Variants in CENPI observed in about 807,000 individuals in gnomAD.
CENPI encodes FSH primary response 1.
Under a neutral mutation model 60.4 loss-of-function variants are expected in CENPI, and 4 were observed. The observed-to-expected ratio is 0.07, with a 90% confidence interval of 0.03 to 0.15. The LOEUF is 0.15. Ranked by LOEUF, CENPI falls within the 10% of genes least tolerant of loss-of-function variation. The pLI is 1.00. For synonymous variants in CENPI, 157 were observed against 189.4 expected (o/e 0.83, Z 1.40); for missense variants, 444 against 534.5 (o/e 0.83, Z 1.67).
chrX:101,162,628 A>T (rs1381767773), intron 21 of CENPI, among the ~76,000 whole-genome samples: 1 of 108,570 alleles, frequency 9.2e-6, no homozygotes, highest in Non-Finnish European at 1.9e-5. Context: ...TTTTTTTGCC[A>T]ACATAATAAA....
chrX:101,126,216 G>C (rs1035268548), intron 8 of CENPI, among the ~76,000 whole-genome samples: 77 of 112,192 alleles, frequency 6.9e-4, no homozygotes, highest in African/African-American at 2.3e-3. Flanking sequence ...TGTGAAATTA[G>C]TGCTTTTGTT....
At chrX:101,122,902 C>T (rs925374883) in intron 8 of CENPI, among the ~76,000 whole-genome samples, 3 of 112,193 alleles carry the variant, frequency 2.7e-5, no homozygotes, top group Non-Finnish European at 5.6e-5. Context: ...AACAAAAGAT[C>T]TTGCTGATTT....
rs148055783 is a variant in CENPI, at chrX:101,155,350, C to T, written c.2095-6178C>T. ...GATTATGGGTACCCGCCACCACGCC[C>T]GGCTAATTTTTGTATTTTTAGTAGA... On this transcript the variant is annotated intron_variant, in intron 20 of 21. Coordinates refer to ENST00000682095, the MANE Select transcript of CENPI (RefSeq NM_001386188.2). Among the ~76,000 whole-genome samples the T allele has an allele frequency of 7.3e-3, 810 of 110,592 alleles. 11 individuals are homozygous for T. The highest frequency in any genetic ancestry group is 0.025 in the African/African-American group (759 of 30,381).
intron 12 of CENPI, 61 bp downstream of exon 12, chrX:101,128,897 C>G: frequency 9.6e-7 from 1 of 1,045,896 alleles, no homozygotes. Flanking sequence ...TATAAGGGTG[C>G]CAAATTCTAG....
At chrX:101,149,439 G>T (rs2089988509) in intron 20 of CENPI, among the ~76,000 whole-genome samples, 1 of 111,084 alleles carries the variant, frequency 9.0e-6, no homozygotes, top group Admixed American at 9.6e-5. Flanking sequence ...GGAACATGAG[G>T]CAGAATTGTA....
At chrX:101,147,001 G>A (rs963098126) in intron 18 of CENPI, among the ~76,000 whole-genome samples, 2 of 111,974 alleles carry the variant, frequency 1.8e-5, no homozygotes, top group Non-Finnish European at 3.8e-5. Context: ...CTCCCAAAGT[G>A]CTGGGATTAC....
intron 13 of CENPI, 135 bp downstream of exon 13, chrX:101,130,208 T>C: frequency 4.8e-6 from 2 of 415,724 alleles, no homozygotes; most frequent in South Asian, 7.7e-5. Flanking sequence ...CCAAGGCGGG[T>C]GGATCACTTG....
chrX:101,166,443 C>T (rs1181490670), downstream of CENPI, among the ~76,000 whole-genome samples: 5 of 112,876 alleles, frequency 4.4e-5, no homozygotes, highest in Non-Finnish European at 9.4e-5. Flanking sequence ...CATGAGCCAC[C>T]GTGCCCAGCC....
chrX:101,162,467 A>ATATATAT (rs1269101204), intron 21 of CENPI, among the ~76,000 whole-genome samples: 1 of 89,401 alleles, frequency 1.1e-5, no homozygotes, highest in African/African-American at 5.3e-5. Context: ...AAAAAAAAAA[A>ATATATAT]AAAAAAATAT....
At chrX:101,123,001 T>A (rs755045939) in intron 8 of CENPI, among the ~76,000 whole-genome samples, 4 of 112,841 alleles carry the variant, frequency 3.5e-5, no homozygotes, top group Admixed American at 1.9e-4. Flanking sequence ...AGACACTAAA[T>A]GTCTGGTTTC....
intron 18 of CENPI, among the ~76,000 whole-genome samples, 200 bp from the exon 19 acceptor site, chrX:101,147,563 C>A (rs2089972835): frequency 8.9e-6 from 1 of 111,795 alleles, no homozygotes; most frequent in Non-Finnish European, 1.9e-5. Flanking sequence ...AAGTGTACAA[C>A]TTATTGAGCC....
intron 15 of CENPI, among the ~76,000 whole-genome samples, 195 bp from the exon 16 acceptor site, chrX:101,140,471 G>A (rs1053253825): frequency 2.7e-5 from 3 of 112,174 alleles, no homozygotes; most frequent in African/African-American, 9.7e-5. Context: ...TTCTTGTAGA[G>A]AAAATGGCAA....
intron 4 of CENPI, 105 bp downstream of exon 4, chrX:101,102,516 C>CACACACACACAT (rs778560144): frequency 0.031 from 6,418 of 208,876 alleles, 161 homozygotes; most frequent in African/African-American, 0.066. Context: ...CACACACACA[C>CACACACACACAT]ATATATATAT....
chrX:101,151,384 C>T (rs777762172), intron 20 of CENPI, among the ~76,000 whole-genome samples: 1 of 111,755 alleles, frequency 8.9e-6, no homozygotes, highest in East Asian at 2.8e-4. Flanking sequence ...TTCCCTCAGG[C>T]CAAAAGTGAT....
At chrX:101,110,223 A>G (rs1444601952) in intron 6 of CENPI, among the ~76,000 whole-genome samples, 1 of 112,446 alleles carries the variant, frequency 8.9e-6, no homozygotes, top group Non-Finnish European at 1.9e-5. Context: ...CAAATAGAAA[A>G]TTTTTATCGT....
intron 6 of CENPI, among the ~76,000 whole-genome samples, chrX:101,119,503 C>T (rs1426474950): frequency 9.0e-6 from 1 of 111,728 alleles, no homozygotes; most frequent in Non-Finnish European, 1.9e-5. Context: ...TTCAACTCTG[C>T]TGGTGTGGTG....
rs745885356 is a variant in CENPI, at chrX:101,112,060, G to A, written c.591+2062G>A. Among the ~76,000 whole-genome samples, 73 of 111,649 alleles carry A rather than the reference G, an allele frequency of 6.5e-4. 1 individual carries two copies. The highest frequency in any genetic ancestry group is 2.6e-3 in the South Asian group (7 of 2,669). The stretch of plus-strand genomic sequence containing the variant: ...AAAAAGAATGACTGACGTACGAACC[G>A]TAGTTATACAGACTTGGGTACTTGG... On this transcript the variant is annotated intron_variant, in intron 6 of 21. Transcript: ENST00000682095.
chrX:101,100,083 C>T (rs1304926477), intron 2 of CENPI: 1 of 110,970 alleles, frequency 9.0e-6, no homozygotes, highest in Non-Finnish European at 1.9e-5. Context: ...CTACCATGTC[C>T]AGTCTTAGTT....
At chrX:101,128,105 C>T (rs1291571562) in intron 11 of CENPI, among the ~76,000 whole-genome samples, 4 of 111,016 alleles carry the variant, frequency 3.6e-5, no homozygotes, top group Middle Eastern at 4.6e-3. Flanking sequence ...GATGCTGAGG[C>T]GGGCAGATCA....
Sources: gnomAD v4.1 joint callset for allele counts (sites outside exome capture counted in the v4.1 genomes callset) on GRCh38, gnomAD v4.1.1 for gene constraint, MANE v1.5 for transcripts, NCBI Gene and HGNC (gene_info 2026-07-23, HGNC 2026-07-21) for gene names.